The following ZNF385B variants were observed in gnomAD, a reference collection of about 807,000 sequenced individuals.
The protein encoded by ZNF385B is zinc finger protein 385B, also known as zinc finger protein 533.
In ZNF385B, 23 loss-of-function variants were observed where a neutral mutation model predicts 39.2. The ratio of observed to expected loss-of-function variants is 0.59; its 90% CI spans 0.42 to 0.83. The LOEUF is 0.83. ZNF385B is among the 40% of genes least tolerant of loss of function. ZNF385B has a pLI of 0.00. For missense variants in ZNF385B, 552 were observed against 598.9 expected (o/e 0.92, Z 0.82); for synonymous variants, 205 against 222.6 (o/e 0.92, Z 0.70).
intron 6 of ZNF385B, among the ~76,000 whole-genome samples, chr2:179,460,306 TGTCCTCACTCA>T (rs756514265): frequency 1.8e-4 from 28 of 152,266 alleles, no homozygotes; most frequent in Non-Finnish European, 1.6e-4. Context: ...ACAGGCTGGC[TGTCCTCACTCA>T]GTCCTGGGTG....
intron 5 of ZNF385B, among the ~76,000 whole-genome samples, chr2:179,515,408 T>C (rs1211342389): frequency 1.3e-5 from 2 of 152,244 alleles, no homozygotes; most frequent in Admixed American, 6.5e-5. Context: ...TTCAAGCATC[T>C]GGCCTTATGG....
At chr2:179,812,994 C>T (rs1266131400) in intron 1 of ZNF385B, among the ~76,000 whole-genome samples, 1 of 151,654 alleles carries the variant, frequency 6.6e-6, no homozygotes, top group East Asian at 1.9e-4. Flanking sequence ...ACTATTTTTT[C>T]CTGCTTGTCA....
At chr2:179,747,738 C>A (rs778922697) in intron 3 of ZNF385B, among the ~76,000 whole-genome samples, 1 of 152,016 alleles carries the variant, frequency 6.6e-6, no homozygotes, top group Admixed American at 6.6e-5. Flanking sequence ...AGAATTCAAA[C>A]GTTTTCAGAT....
rs1201089203 is a variant in ZNF385B, at chr2:179,861,379, C to T, written c.-433G>A. 1 of 150,170 alleles carries T rather than the reference C, an allele frequency of 6.7e-6. No individual in the cohort carries two copies. The highest frequency in any genetic ancestry group is 1.5e-5 in the Non-Finnish European group (1 of 67,388). 9.3% of individuals were successfully genotyped at this position (150,170 alleles called of 1,614,324 possible). On this transcript the variant is annotated 5_prime_UTR_variant, in exon 1 of 10. Coordinates refer to ENST00000410066, the MANE Select transcript of ZNF385B (RefSeq NM_152520.6). Reference sequence around the variant, plus strand: ...CGGCCGCTGCCCCCGCGCTGAGCGCCTGCGCACCGGGCCTCGCCCAGGTGA... The same window carrying T: ...CGGCCGCTGCCCCCGCGCTGAGCGCTTGCGCACCGGGCCTCGCCCAGGTGA...
At chr2:179,566,728 T>A (rs1684622641) in intron 3 of ZNF385B, among the ~76,000 whole-genome samples, 1 of 152,158 alleles carries the variant, frequency 6.6e-6, no homozygotes, top group African/African-American at 2.4e-5. Context: ...AGTTTTGATG[T>A]CTTCACTTTG....
intron 3 of ZNF385B, among the ~76,000 whole-genome samples, chr2:179,620,668 T>A (rs973270380): frequency 6.6e-6 from 1 of 152,156 alleles, no homozygotes; most frequent in Non-Finnish European, 1.5e-5. Context: ...TGAACTAATT[T>A]ACTAACTACT....
At chr2:179,831,219 C>T (rs1707965811) in intron 1 of ZNF385B, among the ~76,000 whole-genome samples, 1 of 152,096 alleles carries the variant, frequency 6.6e-6, no homozygotes, top group Admixed American at 6.6e-5. Context: ...ATAATAGTTA[C>T]TATGCATTTA....
chr2:179,474,135 G>C (rs1324174690), intron 6 of ZNF385B, among the ~76,000 whole-genome samples: 1 of 151,984 alleles, frequency 6.6e-6, no homozygotes, highest in Admixed American at 6.6e-5. Flanking sequence ...GTAAAATAGG[G>C]TAGGGAAAGA....
chr2:179,670,977 T>C (rs563622262), intron 3 of ZNF385B, among the ~76,000 whole-genome samples: 1 of 152,346 alleles, frequency 6.6e-6, no homozygotes, highest in South Asian at 2.1e-4. Context: ...TTTCTCCATC[T>C]ATGGAATGTG....
chr2:179,460,606 T>C (rs1420087898), intron 6 of ZNF385B, among the ~76,000 whole-genome samples: 1 of 152,192 alleles, frequency 6.6e-6, no homozygotes, highest in Admixed American at 6.5e-5. Context: ...CCAATCTTTC[T>C]TATAGACAAC....
intron 6 of ZNF385B, among the ~76,000 whole-genome samples, chr2:179,457,647 C>T (rs1334414324): frequency 2.6e-5 from 4 of 152,006 alleles, no homozygotes; most frequent in African/African-American, 9.7e-5. Context: ...TAATGAGCTC[C>T]TTTTCTTTTT....
chr2:179,604,413 T>C (rs570255167), intron 3 of ZNF385B, among the ~76,000 whole-genome samples: 1 of 151,524 alleles, frequency 6.6e-6, no homozygotes. Flanking sequence ...GAAAAAAAAA[T>C]ACAAAAATAA....
intron 3 of ZNF385B, among the ~76,000 whole-genome samples, chr2:179,655,175 T>C (rs925211529): frequency 1.3e-5 from 2 of 152,162 alleles, no homozygotes; most frequent in South Asian, 2.1e-4. Context: ...AGTATTCTCT[T>C]AACCCTGCTT....
intron 5 of ZNF385B, among the ~76,000 whole-genome samples, chr2:179,515,693 A>G (rs2058042214): frequency 1.3e-5 from 2 of 152,152 alleles, no homozygotes; most frequent in South Asian, 2.1e-4. Context: ...TTTAGTAGTT[A>G]TATCTCTATC....
At chr2:179,754,825 C>G (rs1702905902) in intron 3 of ZNF385B, among the ~76,000 whole-genome samples, 1 of 151,974 alleles carries the variant, frequency 6.6e-6, no homozygotes, top group Non-Finnish European at 1.5e-5. Context: ...TCTCTCTTTT[C>G]TTCTTTATTA....
intron 6 of ZNF385B, among the ~76,000 whole-genome samples, chr2:179,461,548 G>A (rs1482213110): frequency 6.6e-6 from 1 of 152,214 alleles, no homozygotes; most frequent in African/African-American, 2.4e-5. Flanking sequence ...CATTTACTAA[G>A]ATTTGAGATA....
intron 3 of ZNF385B, among the ~76,000 whole-genome samples, chr2:179,564,393 C>A (rs73976414): frequency 6.6e-6 from 1 of 152,004 alleles, no homozygotes; most frequent in African/African-American, 2.4e-5. Context: ...AAAGGAGGCA[C>A]CAGGCATCTC....
chr2:179,644,107 T>G (rs1355157382), intron 3 of ZNF385B, among the ~76,000 whole-genome samples: 1 of 152,080 alleles, frequency 6.6e-6, no homozygotes, highest in Non-Finnish European at 1.5e-5. Flanking sequence ...GCAAAAAGAA[T>G]ATGGAATCTG....
chr2:179,558,104 T>A (rs1335108191), intron 3 of ZNF385B, among the ~76,000 whole-genome samples: 1 of 152,144 alleles, frequency 6.6e-6, no homozygotes, highest in East Asian at 1.9e-4. Context: ...AAATGCTATC[T>A]GAGAAGACAC....
Sources: allele counts gnomAD v4.1 joint callset (sites outside exome capture counted in the v4.1 genomes callset), GRCh38; gene constraint gnomAD v4.1.1; transcripts MANE v1.5; gene names NCBI Gene and HGNC (gene_info 2026-07-23, HGNC 2026-07-21).